The following FNBP1 variants were observed in gnomAD, a reference collection of about 807,000 sequenced individuals.
The protein encoded by FNBP1 is formin-binding protein 1.
A neutral mutation model predicts 90.6 loss-of-function variants in FNBP1; 26 were observed. The observed-to-expected ratio is 0.29, with a 90% CI of 0.21 to 0.40. The LOEUF (loss-of-function observed/expected upper bound fraction) is 0.40, where lower values mean the gene tolerates loss of function less well. FNBP1 is among the 10% of genes least tolerant of loss of function. The pLI is 1.00. For missense variants in FNBP1, 635 were observed against 768.0 expected, an observed-to-expected ratio of 0.83 and a Z score of 2.05; for synonymous variants, 260 against 265.2, an observed-to-expected ratio of 0.98 and a Z score of 0.19.
chr9:129,914,151 T>C (rs1050018224), intron 11 of FNBP1, among the ~76,000 whole-genome samples: 1 of 151,050 alleles, frequency 6.6e-6, no homozygotes, highest in Admixed American at 6.6e-5. Context: ...CCACCACACC[T>C]GGTCCCACAT....
chr9:130,042,531 C>T lies in FNBP1; in HGVS notation c.24+421G>A. 6.6e-6 allele frequency among the ~76,000 whole-genome samples: 1 copy of T among 151,898 alleles called. No individual in the cohort carries two copies. The highest frequency in any genetic ancestry group is 1.9e-4 in the East Asian group (1 of 5,142). ...GCGCCTCCGCGGAGCCAGGACAGAA[C>T]TCGCGGCCGGGGCGCCCCGAGACCC... is the stretch of plus-strand genomic sequence containing the variant. On this transcript the variant is annotated intron_variant, in intron 1 of 16. Transcript: ENST00000446176. The surrounding 1 kb of genome is among the most constrained non-coding windows in gnomAD (Gnocchi z 5.5).
At chr9:129,978,021 CTT>C (rs1005679140) in intron 4 of FNBP1, among the ~76,000 whole-genome samples, 14 of 145,246 alleles carry the variant, frequency 9.6e-5, no homozygotes, top group Admixed American at 9.6e-4. Flanking sequence ...AACTTTTTTT[CTT>C]TTTTTTTTTC....
At chr9:129,972,629 T>G (rs376095130) in intron 4 of FNBP1, among the ~76,000 whole-genome samples, 1 of 151,832 alleles carries the variant, frequency 6.6e-6, no homozygotes, top group Non-Finnish European at 1.5e-5. Flanking sequence ...CCTCCCAGGT[T>G]CAAGTGATTC....
chr9:129,961,274 T>C (rs2047773878), intron 4 of FNBP1, among the ~76,000 whole-genome samples: 1 of 152,040 alleles, frequency 6.6e-6, no homozygotes, highest in Admixed American at 6.6e-5. Context: ...ATAGTACCAT[T>C]GTACTCCAGC....
intron 1 of FNBP1, among the ~76,000 whole-genome samples, chr9:130,012,982 T>C (rs2056814109): frequency 6.6e-6 from 1 of 151,448 alleles, no homozygotes; most frequent in Non-Finnish European, 1.5e-5. Context: ...TACACCATAA[T>C]GAAAAAAGTC....
At chr9:129,991,756 T>C (rs949764644) in intron 2 of FNBP1, among the ~76,000 whole-genome samples, 5 of 151,122 alleles carry the variant, frequency 3.3e-5, no homozygotes, top group African/African-American at 9.7e-5. Flanking sequence ...GCCTTCTGGG[T>C]TCATGCCATT....
At chr9:130,029,908 C>T (rs545652070) in intron 1 of FNBP1, among the ~76,000 whole-genome samples, 36 of 152,058 alleles carry the variant, frequency 2.4e-4, no homozygotes, top group Non-Finnish European at 4.0e-4. Context: ...TGCTTGAGCC[C>T]GGGAGGTCAA....
upstream of FNBP1, among the ~76,000 whole-genome samples, chr9:130,045,636 A>G (rs1221065010): frequency 1.3e-5 from 2 of 152,178 alleles, no homozygotes; most frequent in Admixed American, 6.6e-5. Flanking sequence ...GCAGAACTCT[A>G]TGGATGTGAG....
intron 2 of FNBP1, among the ~76,000 whole-genome samples, chr9:129,981,063 A>T (rs1473476851): frequency 1.3e-5 from 2 of 151,738 alleles, no homozygotes; most frequent in Non-Finnish European, 2.9e-5. Flanking sequence ...AAAAAAAAAA[A>T]AAAAGAGAAA....
intron 1 of FNBP1, among the ~76,000 whole-genome samples, chr9:130,022,203 AATT>A: frequency 6.6e-6 from 1 of 151,648 alleles, no homozygotes; most frequent in Non-Finnish European, 1.5e-5. Flanking sequence ...TCTAACATAA[AATT>A]AACTTTTTTT....
chr9:130,033,233 A>C (rs2058966430), intron 1 of FNBP1, among the ~76,000 whole-genome samples: 1 of 152,128 alleles, frequency 6.6e-6, no homozygotes, highest in Admixed American at 6.6e-5. Context: ...ATCATACCAT[A>C]CTTTATAGAT....
chr9:129,994,374 C>T (rs1041965854), intron 2 of FNBP1, among the ~76,000 whole-genome samples: 2 of 151,784 alleles, frequency 1.3e-5, no homozygotes, highest in Admixed American at 6.6e-5. Context: ...CTAATCCACG[C>T]GGTTAGAAGT....
chr9:130,026,393 C>A (rs974723286), intron 1 of FNBP1, among the ~76,000 whole-genome samples: 2 of 152,040 alleles, frequency 1.3e-5, no homozygotes, highest in African/African-American at 4.8e-5. Flanking sequence ...ACCTGGGAGG[C>A]TGAGGCAGGA....
chr9:130,038,216 G>T (rs1346936083), intron 1 of FNBP1, among the ~76,000 whole-genome samples: 1 of 151,734 alleles, frequency 6.6e-6, no homozygotes, highest in Non-Finnish European at 1.5e-5. Context: ...TTAGCCGGGC[G>T]TGGTGGCGGG....
At chr9:129,946,905 C>CACA (rs1290593857) in intron 6 of FNBP1, among the ~76,000 whole-genome samples, 2 of 152,190 alleles carry the variant, frequency 1.3e-5, no homozygotes, top group African/African-American at 4.8e-5. Flanking sequence ...AATATTAGTT[C>CACA]ACATTCCACT....
chr9:129,900,298 G>T lies in FNBP1; in HGVS notation c.1550+128C>A. On this transcript the variant is annotated intron_variant, in intron 14 of 16. Transcript: ENST00000446176. The surrounding 1 kb of genome is among the most constrained non-coding windows in gnomAD (Gnocchi z 4.1). The stretch of plus-strand genomic sequence containing the variant: ...AATCTGCATCATGGAAAAAGTGACA[G>T]GTCAATCGCAACAGACATTTTGGCA... 1.7e-6 allele frequency: 2 copies of T among 1,155,620 alleles called. No individual in the cohort carries two copies. The highest frequency in any genetic ancestry group is 2.4e-6 in the Non-Finnish European group (2 of 849,624). The allele number at this position is 1,155,620 out of a possible 1,614,324, so 71.6% of individuals were successfully genotyped here.
chr9:129,895,422 T>C (rs1035959221), intron 16 of FNBP1: 6 of 1,102,042 alleles, frequency 5.4e-6, no homozygotes, highest in Middle Eastern at 7.6e-4. Context: ...GCTCAGTGTA[T>C]GGTGGATACT....
chr9:129,973,050 T>C (rs2133294873), intron 4 of FNBP1, among the ~76,000 whole-genome samples: 1 of 152,304 alleles, frequency 6.6e-6, no homozygotes, highest in Middle Eastern at 3.4e-3. Flanking sequence ...CATAGAGTTT[T>C]CATAACCTGC....
chr9:129,960,305 G>A (rs1387654738), intron 4 of FNBP1, among the ~76,000 whole-genome samples: 1 of 150,508 alleles, frequency 6.6e-6, no homozygotes, highest in East Asian at 1.9e-4. Flanking sequence ...TAAAACCTAG[G>A]GGGCTGGAGG....
Sources: gnomAD v4.1 joint callset for allele counts (sites outside exome capture counted in the v4.1 genomes callset) on GRCh38, gnomAD v4.1.1 for gene constraint, Gnocchi (gnomAD v3.1) non-coding constraint, MANE v1.5 for transcripts, NCBI Gene and HGNC (gene_info 2026-07-23, HGNC 2026-07-21) for gene names.